Variants in RNASEH1 observed in about 807,000 individuals in gnomAD.
RNASEH1 encodes ribonuclease H1.
RNASEH1 carries 27 observed loss-of-function variants against 34.6 expected under a neutral mutation model. That is an observed-to-expected ratio of 0.78 (90% CI 0.58 to 1.08). RNASEH1 has a LOEUF of 1.08. RNASEH1 is among the 50% of genes least tolerant of loss of function. The pLI is 0.00. For missense variants in RNASEH1, 349 were observed against 373.6 expected (o/e 0.93, Z 0.54); for synonymous variants, 162 against 138.4 (o/e 1.17, Z -1.20).
chr2:3,545,797 T>G lies in RNASEH1; in HGVS notation c.849A>C (p.Gln283His). 6.2e-7 allele frequency: 1 copy of G among 1,613,094 alleles called. No individual in the cohort carries two copies. ...AAAGTCACATGGCTCAGTCTTCCGATTGTTTAGCTCCTTCTCTGGCTAATC... is the reference window on the plus strand; with the variant it reads ...AAAGTCACATGGCTCAGTCTTCCGAGTGTTTAGCTCCTTCTCTGGCTAATC... ...ADRLAREGAKQSED is the reference protein window; with the variant it reads ...ADRLAREGAKHSED Residue 283 changes from glutamine to histidine, a missense_variant, in exon 8 of 8, where the codon CAA becomes CAC. Gln to His is a conservative substitution (Grantham distance 24, BLOSUM62 0). Around this residue, in one of 2 missense-constraint regions of RNASEH1, gnomAD observed 93 missense variants for 132.9 expected, o/e 0.70. Coordinates refer to ENST00000315212, the MANE Select transcript of RNASEH1 (RefSeq NM_002936.6).
chr2:3,543,982 T>C lies in RNASEH1; in HGVS notation c.*1803A>G, dbSNP rs1668522702. Among the ~76,000 whole-genome samples, 1 of 152,162 alleles carries C rather than the reference T, an allele frequency of 6.6e-6. No individual in the cohort carries two copies. Among genetic ancestry groups the C allele is most frequent in the Admixed American group, 6.5e-5 (1 of 15,274 alleles). On this transcript the variant is annotated 3_prime_UTR_variant, in exon 8 of 8. Coordinates refer to ENST00000315212, the MANE Select transcript of RNASEH1 (RefSeq NM_002936.6). The stretch of plus-strand genomic sequence containing the variant: ...TCCTTGACAGACAACTAATGCATTA[T>C]CTTAAAAACTTAGTGTACAAGAGCA...
intron 7 of RNASEH1, among the ~76,000 whole-genome samples, 164 bp downstream of exon 7, chr2:3,547,767 G>A (rs1369811045): frequency 1.3e-5 from 2 of 152,144 alleles, no homozygotes; most frequent in Admixed American, 1.3e-4. Flanking sequence ...GATTATAGGC[G>A]TGAGCCACTA....
At chr2:3,533,329 C>G in the RNASEH1 span, 2 of 152,430 alleles carry the variant, frequency 1.3e-5, no homozygotes, top group South Asian at 4.1e-4. Context: ...TGTCTCACAG[C>G]AGCTCTGGGG....
In RNASEH1 at chr2:3,552,194, G is replaced by A. The variant is rs765802659; in HGVS notation, c.359C>T (p.Pro120Leu). 4.3e-6 allele frequency: 7 copies of A among 1,612,420 alleles called. No homozygotes were observed. Among genetic ancestry groups the A allele is most frequent in the Middle Eastern group, 2.0e-4 (1 of 5,052 alleles). The change falls in exon 3 of 8, where the codon CCG becomes CTG. Residue 120 changes from proline to leucine, a missense_variant. Transcript: ENST00000315212. ...AACTGGAGGCGCCGGCTCCACGCTC[G>A]GCTTCATGTGCTTTGCATACGGCTC... ...SAEPYAKHMK[P>L]SVEPAPPVSR...
rs192543415 is a variant in RNASEH1, at chr2:3,554,712, G to C, written c.244+2077C>G. Among the ~76,000 whole-genome samples, 9 of 152,206 alleles carry C rather than the reference G, an allele frequency of 5.9e-5. No homozygotes were observed. In the East Asian group the frequency reaches 1.2e-3, roughly 20 times the overall value. On this transcript the variant is annotated intron_variant, in intron 2 of 7. Coordinates refer to ENST00000315212, the MANE Select transcript of RNASEH1 (RefSeq NM_002936.6). ...AACATACTTATATTGGAAGACTTGAGATACAAATAAATTACTGATTGGTTA... is the reference window on the plus strand; with the variant it reads ...AACATACTTATATTGGAAGACTTGACATACAAATAAATTACTGATTGGTTA...
Position 3,558,206 on chromosome 2 carries a change from G to T in RNASEH1, c.55C>A (p.Arg19Ser). The T allele has an allele frequency of 6.2e-7, 1 of 1,600,442 alleles. No homozygotes were observed. The highest frequency in any genetic ancestry group is 1.7e-5 in the Admixed American group (1 of 58,548). The change falls in exon 1 of 8, where the codon CGC (arginine) becomes AGC (serine). Residue 19 changes from arginine to serine, a missense_variant. This residue lies in a region of RNASEH1 where 256 missense variants were observed against 240.7 expected (regional missense o/e 1.06). Coordinates refer to ENST00000315212, the MANE Select transcript of RNASEH1 (RefSeq NM_002936.6). ...HRVALAALPC[R>S]RGSRGFGMFY... is the part of the protein sequence containing the mutation. ...ATCCCGAACCCGCGAGAGCCGCGGC[G>T]GCAGGGCAAGGCGGCCAAGGCGACT...
rs866657569 is a variant in RNASEH1, at chr2:3,557,858, G to C, written c.128+275C>G. 20 of 1,451,070 alleles carry C rather than the reference G, an allele frequency of 1.4e-5. 1 individual carries two copies. In the South Asian group the frequency reaches 1.8e-4, roughly 13 times the overall value. 89.9% of individuals were successfully genotyped at this position (1,451,070 alleles called of 1,614,324 possible). ...TTGCACTTTAACTGCAACAAAGATGGAGGATTAAACACAGGGTTTATTAGG... is the reference window on the plus strand; with the variant it reads ...TTGCACTTTAACTGCAACAAAGATGCAGGATTAAACACAGGGTTTATTAGG... On this transcript the variant is annotated intron_variant, in intron 1 of 7. Coordinates refer to ENST00000315212, the MANE Select transcript of RNASEH1 (RefSeq NM_002936.6).
downstream of RNASEH1, among the ~76,000 whole-genome samples, chr2:3,539,382 G>A (rs972908681): frequency 2.6e-5 from 4 of 152,084 alleles, no homozygotes; most frequent in South Asian, 2.1e-4. Flanking sequence ...GCGGCTTCCC[G>A]TATCACCAAA....
At chr2:3,534,564 C>T in the RNASEH1 span, among the ~76,000 whole-genome samples, 2 of 152,238 alleles carry the variant, frequency 1.3e-5, no homozygotes, top group African/African-American at 2.4e-5. Context: ...ATCCAGACAC[C>T]GGTGCCCAAG....
Position 3,549,104 on chromosome 2 carries a change from C to T in RNASEH1, c.518G>A (p.Gly173Asp). Residue 173 changes from glycine (G) to aspartate (D), a missense_variant, in exon 5 of 8, where the codon GGC becomes GAC. Gly to Asp is a moderately conservative substitution (Grantham distance 94). This residue lies in a region of RNASEH1 where 256 missense variants were observed against 240.7 expected (regional missense o/e 1.06). Coordinates refer to ENST00000315212, the MANE Select transcript of RNASEH1 (RefSeq NM_002936.6). ...TGTCTGCCGCCCAGGAAGTCTAATG[C>T]CTACATTTCTGTTTCAAAACAGTAC... ...YWGPGHPLNV[G>D]IRLPGRQTNQ... is the part of the protein sequence containing the mutation. 6.2e-7 allele frequency: 1 copy of T among 1,612,684 alleles called. No individual in the cohort carries two copies. The highest frequency in any genetic ancestry group is 1.1e-5 in the South Asian group (1 of 90,982).
chr2:3,538,795 A>G (rs1668133405), downstream of RNASEH1, among the ~76,000 whole-genome samples: 1 of 152,220 alleles, frequency 6.6e-6, no homozygotes, highest in Non-Finnish European at 1.5e-5. Context: ...TAATTCTGAG[A>G]GTGGGCCACG....
intron 4 of RNASEH1, among the ~76,000 whole-genome samples, chr2:3,549,401 GGAA>G (rs1669070061): frequency 1.3e-5 from 2 of 152,108 alleles, no homozygotes; most frequent in Non-Finnish European, 2.9e-5. Context: ...AGAAAACTCG[GGAA>G]GAAGAATGGA....
At chr2:3,554,837 GCTTT>G (rs1461541487) in intron 2 of RNASEH1, among the ~76,000 whole-genome samples, 15 of 151,862 alleles carry the variant, frequency 9.9e-5, no homozygotes, top group Middle Eastern at 3.4e-3. Context: ...TTTCAAACCT[GCTTT>G]CTGTCTCAAA....
chr2:3,554,007 G>A (rs1660246610), intron 2 of RNASEH1, among the ~76,000 whole-genome samples: 2 of 152,136 alleles, frequency 1.3e-5, no homozygotes, highest in African/African-American at 4.8e-5. Flanking sequence ...TTCACCTCCA[G>A]CTCTCAACTC....
chr2:3,537,502 T>G (rs967106284), downstream of RNASEH1, among the ~76,000 whole-genome samples: 12 of 151,730 alleles, frequency 7.9e-5, no homozygotes, highest in Admixed American at 3.3e-4. Context: ...GCTGGAGAAT[T>G]GCTTGAGCCC....
rs751743469 is a variant in RNASEH1, at chr2:3,558,308, G to A, written c.-48C>T. On this transcript the variant is annotated 5_prime_UTR_variant, in exon 1 of 8. Transcript: ENST00000315212. ...GCATTTCGACTCCCGGCCCAGCGTG[G>A]GCGCGAGCCGCCGGCGCTCAACACC... 31 of 1,481,188 alleles carry A rather than the reference G, an allele frequency of 2.1e-5. No homozygotes were observed. Among genetic ancestry groups the A allele is most frequent in the Non-Finnish European group, 2.7e-5 (30 of 1,119,478 alleles). The allele number at this position is 1,481,188 out of a possible 1,614,324, so 91.8% of individuals were successfully genotyped here. A position where few individuals can be genotyped will look rare whatever the true frequency, so the allele number is the denominator to read the frequency against.
downstream of RNASEH1, among the ~76,000 whole-genome samples, chr2:3,540,882 A>T (rs1043500006): frequency 1.3e-5 from 2 of 152,130 alleles, no homozygotes; most frequent in Admixed American, 6.6e-5. Flanking sequence ...CTAAAAACAG[A>T]ACTACTAAAC....
chr2:3,548,816 T>G (rs529180631), intron 5 of RNASEH1, 92 bp from the exon 6 acceptor site: 1 of 871,524 alleles, frequency 1.1e-6, no homozygotes, highest in African/African-American at 1.7e-5. Flanking sequence ...AAACATCCCC[T>G]CTGTACTGAT....
the RNASEH1 span, among the ~76,000 whole-genome samples, chr2:3,535,395 C>G: frequency 2.0e-5 from 3 of 149,966 alleles, no homozygotes; most frequent in African/African-American, 7.4e-5. Context: ...CCACTGCACT[C>G]CAGCCTGCGT....
Sources: gnomAD v4.1 joint callset for allele counts (sites outside exome capture counted in the v4.1 genomes callset) on GRCh38, gnomAD v4.1.1 for gene constraint, gnomAD v4.1.1 regional missense constraint, MANE v1.5 for transcripts, NCBI Gene and HGNC (gene_info 2026-07-23, HGNC 2026-07-21) for gene names.